Variants in PIGZ observed in about 807,000 individuals in gnomAD.
PIGZ encodes the protein GPI alpha-1,2-mannosyltransferase 4.
PIGZ carries 16 observed loss-of-function variants against 16.4 expected under a neutral mutation model. That is an observed-to-expected ratio of 0.97 (90% CI 0.66 to 1.48). PIGZ has a LOEUF of 1.48. PIGZ is among the 40% of genes most tolerant of loss of function. PIGZ has a pLI of 0.00. For missense variants in PIGZ, 770 were observed against 739.2 expected, an observed-to-expected ratio of 1.04 and a Z score of -0.48; for synonymous variants, 409 against 338.4, an observed-to-expected ratio of 1.21 and a Z score of -2.29.
intron 1 of PIGZ, among the ~76,000 whole-genome samples, chr3:196,954,157 C>T (rs1717393342): frequency 6.6e-6 from 1 of 152,106 alleles, no homozygotes; most frequent in Non-Finnish European, 1.5e-5. Flanking sequence ...TGGTGGTGTG[C>T]ACCTGTAATC....
At chr3:196,960,725 AAAAG>A (rs1248464247) in intron 1 of PIGZ, among the ~76,000 whole-genome samples, 10 of 44,560 alleles carry the variant, frequency 2.2e-4, no homozygotes, top group Middle Eastern at 0.015. Flanking sequence ...GGAAAGAAAG[AAAAG>A]AAAGAAAGAG....
chr3:196,955,072 T>C (rs757751701), intron 1 of PIGZ, among the ~76,000 whole-genome samples: 1 of 152,092 alleles, frequency 6.6e-6, no homozygotes, highest in Non-Finnish European at 1.5e-5. Context: ...AAGACGGGTA[T>C]GTGCCACCAT....
At chr3:196,957,508 G>A (rs1717544481) in intron 1 of PIGZ, among the ~76,000 whole-genome samples, 2 of 151,578 alleles carry the variant, frequency 1.3e-5, no homozygotes, top group African/African-American at 4.8e-5. Context: ...TCAGCCTCTT[G>A]AGTAGCTGGG....
At position 196,964,036 on chromosome 3, in the gene PIGZ, ATT is replaced by A. The variant is rs754919951; in HGVS notation, c.-1+4649_-1+4650del. Among the ~76,000 whole-genome samples, 476 of 138,736 alleles carry A rather than the reference ATT, an allele frequency of 3.4e-3. 6 individuals are homozygous for A. The highest frequency in any genetic ancestry group is 0.015 in the Middle Eastern group (4 of 274). 91.0% of individuals were successfully genotyped at this position (138,736 alleles called of 152,430 possible). On this transcript the variant is annotated intron_variant, in intron 1 of 2. Transcript: ENST00000412723. ...TACCTTTTTTTATTTGTTTGCTTTTATTTTTATTTTTATTTATTTATTTATTT... is the reference window on the plus strand; with the variant it reads ...TACCTTTTTTTATTTGTTTGCTTTTATTTATTTTTATTTATTTATTTATTT...
In PIGZ at chr3:196,968,796, G is replaced by T. The variant is rs889266998; in HGVS notation, c.-110C>A. 104 of 151,130 alleles carry T rather than the reference G, an allele frequency of 6.9e-4. No homozygotes were observed. The highest frequency in any genetic ancestry group is 9.0e-4 in the Non-Finnish European group (61 of 67,638). The allele number at this position is 151,130 out of a possible 1,614,324, so 9.4% of individuals were successfully genotyped here. A position where few individuals can be genotyped will look rare whatever the true frequency, so the allele number is the denominator to read the frequency against. On this transcript the variant is annotated 5_prime_UTR_variant, in exon 1 of 3. Coordinates refer to ENST00000412723, the MANE Select transcript of PIGZ (RefSeq NM_025163.4). Reference sequence around the variant, plus strand: ...GGGACCGCAGGGCGGAGGGGAGGCCGTGGGAGCGGCCGGGCGCGCCTCAGC... The same window carrying T: ...GGGACCGCAGGGCGGAGGGGAGGCCTTGGGAGCGGCCGGGCGCGCCTCAGC...
intron 1 of PIGZ, among the ~76,000 whole-genome samples, chr3:196,956,018 A>C (rs900749031): frequency 6.6e-6 from 1 of 151,762 alleles, no homozygotes; most frequent in African/African-American, 2.4e-5. Flanking sequence ...TTTGGAAGTT[A>C]CATATACTCA....
chr3:196,952,626 C>A (rs1381802330), intron 1 of PIGZ, among the ~76,000 whole-genome samples: 3 of 152,090 alleles, frequency 2.0e-5, no homozygotes, highest in Non-Finnish European at 4.4e-5. Flanking sequence ...TTAGTAGAGA[C>A]GGGGTTTCAT....
chr3:196,948,886 TTCCCCTTCCTTCCCTTCCCC>T (rs1218387359), intron 2 of PIGZ, among the ~76,000 whole-genome samples: 2 of 25,788 alleles, frequency 7.8e-5, no homozygotes, highest in African/African-American at 3.3e-4. Context: ...CTTCCCTTCC[TTCCCCTTCCTTCCCTTCCCC>T]TCCCCTCCCT....
Position 196,948,218 on chromosome 3 carries a change from G to T in PIGZ, c.679C>A (p.Arg227=), listed in dbSNP as rs763949834. 6 of 1,614,060 alleles carry T rather than the reference G, an allele frequency of 3.7e-6. No homozygotes were observed. The highest frequency in any genetic ancestry group is 4.2e-6 in the Non-Finnish European group (5 of 1,180,038). The part of the protein sequence containing the change: ...GGIVAAGFFN[R]PTFLAFAVVP... ...ACAGCAAAGGCCAGAAAGGTGGGCC[G>T]GTTGAAGAAGCCAGCAGCCACAATG... The change falls in exon 3 of 3, where the codon CGG becomes AGG. Residue 227 remains arginine, a synonymous_variant. Coordinates refer to ENST00000412723, the MANE Select transcript of PIGZ (RefSeq NM_025163.4).
chr3:196,948,354 C>T lies in PIGZ; in HGVS notation c.543G>A (p.Glu181=), dbSNP rs1450802193. 6.2e-6 allele frequency: 10 copies of T among 1,614,072 alleles called. No homozygotes were observed. Among genetic ancestry groups the T allele is most frequent in the Non-Finnish European group, 8.5e-6 (10 of 1,180,036 alleles). The change falls in exon 3 of 3, where the codon GAG becomes GAA. Residue 181 remains glutamate, a synonymous_variant. Transcript: ENST00000412723. ...CCAGCAGCCACGTGAAGAGGAGTCC[C>T]TCAATGGTGTTGGAGAAGGTCCTTG... ...FYTRTFSNTI[E]GLLFTWLLVL... is the part of the protein sequence containing the mutation.
chr3:196,966,619 T>C (rs1364704208), intron 1 of PIGZ, among the ~76,000 whole-genome samples: 5 of 152,282 alleles, frequency 3.3e-5, no homozygotes, highest in Admixed American at 6.5e-5. Flanking sequence ...GACAACGTAG[T>C]GGGGCATCGA....
rs138647646 is a variant in PIGZ at position 196,947,637 on chromosome 3, G to A, written c.1260C>T (p.Asn420=). The part of the protein sequence containing the change: ...VPWKGTVVLF[N]ALGALLFGCL... ...AGCCGAAGAGGAGGGCACCGAGGGCGTTGAAGAGGACCACAGTGCCCTTCC... is the reference window on the plus strand; with the variant it reads ...AGCCGAAGAGGAGGGCACCGAGGGCATTGAAGAGGACCACAGTGCCCTTCC... The change falls in exon 3 of 3, where the codon AAC becomes AAT. Residue 420 remains asparagine (N), a synonymous_variant. Transcript: ENST00000412723. 1.4e-4 allele frequency: 221 copies of A among 1,612,410 alleles called. No individual in the cohort carries two copies. The highest frequency in any genetic ancestry group is 5.2e-4 in the African/African-American group (39 of 75,046).
In PIGZ at chr3:196,951,956, G is replaced by C; in HGVS notation, c.76C>G (p.Gln26Glu). ...ACTGCCATCTTCAGATCCAGTTGTT[G>C]CCAACACACCGGGCCCAAAACCTGG... ...SFQVLGPVCW[Q>E]QLDLKMAVRV... is the part of the protein sequence containing the mutation. The change falls in exon 2 of 3, where the codon CAA becomes GAA. Residue 26 changes from glutamine to glutamate, a missense_variant. Gln to Glu is a conservative substitution (Grantham distance 29). Coordinates refer to ENST00000412723, the MANE Select transcript of PIGZ (RefSeq NM_025163.4). 1 of 1,614,152 alleles carries C rather than the reference G, an allele frequency of 6.2e-7. No homozygotes were observed. Among genetic ancestry groups the C allele is most frequent in the South Asian group, 1.1e-5 (1 of 91,072 alleles).
In PIGZ at chr3:196,950,508, G is replaced by C. The variant is rs1261976443; in HGVS notation, c.211+1313C>G. 2.6e-5 allele frequency among the ~76,000 whole-genome samples: 4 copies of C among 152,082 alleles called. No homozygotes were observed. In the East Asian group the frequency reaches 7.7e-4, roughly 29 times the overall value. On this transcript the variant is annotated intron_variant, in intron 2 of 2. Transcript: ENST00000412723. The stretch of plus-strand genomic sequence containing the variant: ...ATCATACAGCCTGCGGATCATTCGG[G>C]CTCTTTGATTCTGCTACTTATTTCT...
chr3:196,958,918 G>A (rs1178119704), intron 1 of PIGZ, among the ~76,000 whole-genome samples: 1 of 152,174 alleles, frequency 6.6e-6, no homozygotes, highest in Non-Finnish European at 1.5e-5. Flanking sequence ...GGAAACATGA[G>A]GGGATTGTGT....
chr3:196,966,622 G>A (rs1471338197), intron 1 of PIGZ, among the ~76,000 whole-genome samples: 2 of 152,210 alleles, frequency 1.3e-5, no homozygotes, highest in Non-Finnish European at 2.9e-5. Context: ...AACGTAGTGG[G>A]GCATCGACCA....
At chr3:196,948,736 G>A (rs1378478521) in intron 2 of PIGZ, 51 bp from the exon 3 acceptor site, 3 of 1,370,376 alleles carry the variant, frequency 2.2e-6, no homozygotes, top group East Asian at 5.1e-5. Context: ...GATGTAGTGG[G>A]CAAAATTCTA....
intron 1 of PIGZ, among the ~76,000 whole-genome samples, chr3:196,959,527 C>T (rs1327226267): frequency 6.6e-6 from 1 of 152,122 alleles, no homozygotes; most frequent in Non-Finnish European, 1.5e-5. Context: ...TGGTTGACAC[C>T]TTCCTTTCCA....
In PIGZ at chr3:196,947,951, T is replaced by C. The variant is rs748835686; in HGVS notation, c.946A>G (p.Thr316Ala). ...LARHGTHARL[T>A]HLAVNGFLLF... ...AGGAAGCCGTTGACTGCCAGGTGAGTGAGCCGCGCGTGCGTGCCATGTCTC... is the reference window on the plus strand; with the variant it reads ...AGGAAGCCGTTGACTGCCAGGTGAGCGAGCCGCGCGTGCGTGCCATGTCTC... Residue 316 changes from threonine to alanine, a missense_variant, in exon 3 of 3, where the codon ACT becomes GCT. Transcript: ENST00000412723. 3 of 1,612,744 alleles carry C rather than the reference T, an allele frequency of 1.9e-6. No homozygotes were observed. The African/African-American group carries it at 4.0e-5, about 22-fold the overall frequency.
Sources: gnomAD v4.1 joint callset for allele counts (sites outside exome capture counted in the v4.1 genomes callset) on GRCh38, gnomAD v4.1.1 for gene constraint, MANE v1.5 for transcripts, NCBI Gene and HGNC (gene_info 2026-07-23, HGNC 2026-07-21) for gene names.